Variants in PRKD1 observed in about 807,000 individuals in gnomAD.
The protein encoded by PRKD1 is serine/threonine-protein kinase D1.
In PRKD1, 63 loss-of-function variants were observed where a neutral mutation model predicts 95.9. The ratio of observed to expected loss-of-function variants is 0.66; its 90% CI spans 0.54 to 0.81. The LOEUF (loss-of-function observed/expected upper bound fraction) is 0.81, where lower values mean the gene tolerates loss of function less well. PRKD1 is among the 30% of genes least tolerant of loss of function. PRKD1 has a pLI of 0.00. For synonymous variants in PRKD1, 425 were observed against 423.1 expected, an observed-to-expected ratio of 1.00 and a Z score of -0.05; for missense variants, 1,048 against 1,165.3, an observed-to-expected ratio of 0.90 and a Z score of 1.47.
chr14:29,682,470 T>G (rs1883591107), intron 2 of PRKD1, among the ~76,000 whole-genome samples: 2 of 152,214 alleles, frequency 1.3e-5, no homozygotes, highest in South Asian at 4.1e-4. Context: ...AAAATTAGCT[T>G]ATATCCTTCA....
intron 1 of PRKD1, among the ~76,000 whole-genome samples, chr14:29,898,737 A>G (rs1317446192): frequency 1.3e-5 from 2 of 152,220 alleles, no homozygotes; most frequent in East Asian, 3.8e-4. Context: ...ATTGACTTCA[A>G]TCCTGTCCAA....
intron 8 of PRKD1, among the ~76,000 whole-genome samples, 164 bp downstream of exon 8, chr14:29,634,254 A>G (rs1880215092): frequency 6.6e-6 from 1 of 152,186 alleles, no homozygotes; most frequent in Non-Finnish European, 1.5e-5. Flanking sequence ...GCTCAACTAT[A>G]TCTGACACCC....
chr14:29,903,109 T>C (rs1374822966), intron 1 of PRKD1, among the ~76,000 whole-genome samples: 1 of 152,142 alleles, frequency 6.6e-6, no homozygotes, highest in Non-Finnish European at 1.5e-5. Context: ...ATTAAAAACA[T>C]AGGAATGGCT....
intron 13 of PRKD1, among the ~76,000 whole-genome samples, chr14:29,613,699 A>G (rs1022268515): frequency 6.6e-6 from 1 of 152,226 alleles, no homozygotes; most frequent in African/African-American, 2.4e-5. Flanking sequence ...AAACTTTTCA[A>G]TAATTCATCA....
At chr14:29,812,013 A>G (rs986556666) in intron 1 of PRKD1, 2 of 152,152 alleles carry the variant, frequency 1.3e-5, no homozygotes, top group African/African-American at 4.8e-5. Context: ...TGTGTTTCAT[A>G]TTTTTATTTC....
At chr14:29,673,030 C>G (rs951936024) in intron 2 of PRKD1, among the ~76,000 whole-genome samples, 1 of 152,142 alleles carries the variant, frequency 6.6e-6, no homozygotes, top group Admixed American at 6.5e-5. Flanking sequence ...ACAGTTAACA[C>G]GTGAAGGATC....
At chr14:29,670,390 T>C (rs981301234) in intron 2 of PRKD1, among the ~76,000 whole-genome samples, 2 of 152,064 alleles carry the variant, frequency 1.3e-5, no homozygotes, top group African/African-American at 2.4e-5. Context: ...AAGAGAGGAA[T>C]TGTACAGAAT....
At position 29,666,161 on chromosome 14, in the gene PRKD1, C is replaced by A; in HGVS notation, c.451G>T (p.Val151Phe). The change falls in exon 3 of 18, where the codon GTT becomes TTT. Residue 151 changes from valine to phenylalanine, a missense_variant. Physicochemically the swap from Val to Phe is conservative, Grantham distance 50 (BLOSUM62 -1). Coordinates refer to ENST00000331968, the MANE Select transcript of PRKD1 (RefSeq NM_002742.3). ...AAAGCTGGAGCTCTGTATGAATGAA[C>A]AAAGAGAGCGTGGGGACGAATCTGA... Reference protein sequence around the residue: ...DFQIRPHALFVHSYRAPAFCD... With the variant: ...DFQIRPHALFFHSYRAPAFCD... The A allele has an allele frequency of 6.2e-7, 1 of 1,607,458 alleles. No homozygotes were observed. Among genetic ancestry groups the A allele is most frequent in the Non-Finnish European group, 8.5e-7 (1 of 1,175,454 alleles).
chr14:29,671,743 AAACATCTATCTC>A (rs1404421256), intron 2 of PRKD1, among the ~76,000 whole-genome samples: 2 of 152,222 alleles, frequency 1.3e-5, no homozygotes, highest in African/African-American at 4.8e-5. Flanking sequence ...AACTTTAAGA[AAACATCTATCTC>A]AATATCCTAA....
intron 1 of PRKD1, among the ~76,000 whole-genome samples, chr14:29,882,526 A>G (rs189480855): frequency 1.3e-5 from 2 of 152,344 alleles, no homozygotes; most frequent in Admixed American, 1.3e-4. Context: ...ATAATATGAC[A>G]TAAAATTTAC....
intron 7 of PRKD1, among the ~76,000 whole-genome samples, chr14:29,635,620 A>G (rs1174420047): frequency 1.3e-5 from 2 of 152,200 alleles, no homozygotes; most frequent in African/African-American, 4.8e-5. Context: ...TTTTCTGTAA[A>G]GGGCCAGGTA....
At chr14:29,787,355 T>A (rs1309782628) in intron 1 of PRKD1, among the ~76,000 whole-genome samples, 2 of 151,904 alleles carry the variant, frequency 1.3e-5, no homozygotes, top group Admixed American at 1.3e-4. Flanking sequence ...TTGGTTTATA[T>A]ATAGTGCAGA....
In PRKD1 at chr14:29,597,709, A is replaced by G; in HGVS notation, c.2216T>C (p.Phe739Ser). 1 of 1,613,828 alleles carries G rather than the reference A, an allele frequency of 6.2e-7. No individual in the cohort carries two copies. The highest frequency in any genetic ancestry group is 8.5e-7 in the Non-Finnish European group (1 of 1,179,904). The change falls in exon 16 of 18, where the codon TTC (phenylalanine) becomes TCC (serine). Residue 739 changes from phenylalanine (F) to serine (S), a missense_variant. Coordinates refer to ENST00000331968, the MANE Select transcript of PRKD1 (RefSeq NM_002742.3). ...GGGGGTACCCACCACTGACCTCCGGAAAGACTTCTCTCCAATGATCCGGGC... is the reference window on the plus strand; with the variant it reads ...GGGGGTACCCACCACTGACCTCCGGGAAGACTTCTCTCCAATGATCCGGGC... ...GFARIIGEKS[F>S]RRSVVGTPAY...
chr14:29,909,314 C>T (rs1159284354), intron 1 of PRKD1, among the ~76,000 whole-genome samples: 3 of 140,082 alleles, frequency 2.1e-5, no homozygotes, highest in Non-Finnish European at 4.7e-5. Flanking sequence ...TGGGCTCCTG[C>T]ACAGCCCGAG....
chr14:29,691,382 G>A (rs1884223387), intron 2 of PRKD1, among the ~76,000 whole-genome samples: 1 of 152,162 alleles, frequency 6.6e-6, no homozygotes, highest in African/African-American at 2.4e-5. Context: ...TGGGGGTGGG[G>A]AAGTATAGGT....
At chr14:29,810,992 T>C (rs1317687052) in intron 1 of PRKD1, among the ~76,000 whole-genome samples, 1 of 152,240 alleles carries the variant, frequency 6.6e-6, no homozygotes, top group Non-Finnish European at 1.5e-5. Flanking sequence ...CTTCTTATTA[T>C]GTCACTGAGA....
chr14:29,869,576 T>C (rs565049945), intron 1 of PRKD1, among the ~76,000 whole-genome samples: 2 of 152,296 alleles, frequency 1.3e-5, no homozygotes, highest in African/African-American at 4.8e-5. Flanking sequence ...ATAGTACTTT[T>C]TGTAAAGCTG....
At chr14:29,916,296 T>A (rs1894884972) in intron 1 of PRKD1, among the ~76,000 whole-genome samples, 1 of 152,198 alleles carries the variant, frequency 6.6e-6, no homozygotes, top group African/African-American at 2.4e-5. Flanking sequence ...ACCTCCAAGA[T>A]CTCTTTCCAC....
chr14:29,602,182 G>A (rs1893544618), intron 13 of PRKD1, among the ~76,000 whole-genome samples: 1 of 152,120 alleles, frequency 6.6e-6, no homozygotes, highest in South Asian at 2.1e-4. Context: ...AAGGGTAGGT[G>A]TCCTCTGTGT....
Sources: allele counts gnomAD v4.1 joint callset (sites outside exome capture counted in the v4.1 genomes callset), GRCh38; gene constraint gnomAD v4.1.1; transcripts MANE v1.5; gene names NCBI Gene and HGNC (gene_info 2026-07-23, HGNC 2026-07-21).